PDE7B: variants seen among roughly 807,000 people sequenced by gnomAD.
PDE7B encodes phosphodiesterase 7B.
In PDE7B, 29 loss-of-function variants were observed where a neutral mutation model predicts 56.2. That is an observed-to-expected ratio of 0.52 (90% CI 0.38 to 0.70). PDE7B has a LOEUF of 0.70. Ranked by LOEUF, PDE7B falls within the 30% of genes least tolerant of loss-of-function variation. The probability of loss-of-function intolerance (pLI) is 0.00; values close to 1 mark genes in which losing one functional copy is unlikely to be tolerated. For synonymous variants in PDE7B, 197 were observed against 196.9 expected (o/e 1.00, Z 0.00); for missense variants, 490 against 565.0 (o/e 0.87, Z 1.35).
At chr6:136,077,450 G>C (rs563006999) in intron 2 of PDE7B, among the ~76,000 whole-genome samples, 33 of 152,096 alleles carry the variant, frequency 2.2e-4, no homozygotes, top group Non-Finnish European at 4.6e-4. Context: ...GGAAGTTGTG[G>C]GTGTAGGGAA....
chr6:135,866,051 G>A (rs951814219), intron 1 of PDE7B, among the ~76,000 whole-genome samples: 45 of 152,088 alleles, frequency 3.0e-4, no homozygotes, highest in African/African-American at 9.4e-4. Flanking sequence ...ATCTTATTTT[G>A]TTTTCAATTT....
intron 2 of PDE7B, among the ~76,000 whole-genome samples, chr6:136,055,248 T>C (rs1776710195): frequency 6.6e-6 from 1 of 152,252 alleles, no homozygotes; most frequent in East Asian, 1.9e-4. Flanking sequence ...TAGCAGAACA[T>C]GTTTTATGTG....
At chr6:136,061,681 T>C (rs1278781723) in intron 2 of PDE7B, among the ~76,000 whole-genome samples, 1 of 152,218 alleles carries the variant, frequency 6.6e-6, no homozygotes, top group Non-Finnish European at 1.5e-5. Flanking sequence ...AACCCATTCG[T>C]CAAGTACTAA....
intron 2 of PDE7B, among the ~76,000 whole-genome samples, chr6:135,977,069 A>C (rs1775198149): frequency 6.6e-6 from 1 of 152,012 alleles, no homozygotes; most frequent in African/African-American, 2.4e-5. Flanking sequence ...ACAGGGAGGG[A>C]GGAAGTGAGA....
intron 1 of PDE7B, among the ~76,000 whole-genome samples, chr6:135,906,812 T>TTTTTTTTTTTTTTTTTTTTG (rs1562434048): frequency 3.1e-5 from 4 of 127,826 alleles, no homozygotes; most frequent in African/African-American, 1.6e-4. Context: ...TGAGGTTTGT[T>TTTTTTTTTTTTTTTTTTTTG]TTTTTTTTTT....
intron 2 of PDE7B, among the ~76,000 whole-genome samples, chr6:136,097,229 C>G (rs1777483984): frequency 6.6e-6 from 1 of 152,152 alleles, no homozygotes; most frequent in Non-Finnish European, 1.5e-5. Context: ...AAGCCCCAGA[C>G]CCGTATGTCC....
In PDE7B at chr6:136,192,039, G is replaced by A. The variant is rs1562518880; in HGVS notation, c.*199G>A. On this transcript the variant is annotated 3_prime_UTR_variant, in exon 13 of 13. Coordinates refer to ENST00000308191, the MANE Select transcript of PDE7B (RefSeq NM_018945.4). ...GAAGCCATTTGTCACCTCAGCATTC[G>A]CTGCCGAAATGAGCAACTCCATTCA... The A allele has an allele frequency of 3.4e-6, 2 of 587,634 alleles. No individual in the cohort carries two copies. Among genetic ancestry groups the A allele is most frequent in the Non-Finnish European group, 6.1e-6 (2 of 328,542 alleles). The allele number at this position is 587,634 out of a possible 1,614,324, so 36.4% of individuals were successfully genotyped here. A position where few individuals can be genotyped will look rare whatever the true frequency, so the allele number is the denominator to read the frequency against.
At chr6:135,944,435 C>G (rs952247963) in intron 1 of PDE7B, among the ~76,000 whole-genome samples, 2 of 152,008 alleles carry the variant, frequency 1.3e-5, no homozygotes, top group African/African-American at 4.8e-5. Context: ...CAATCAGATT[C>G]CCTCAGGTAT....
At chr6:136,119,475 C>G (rs941710337) in intron 3 of PDE7B, among the ~76,000 whole-genome samples, 1 of 152,232 alleles carries the variant, frequency 6.6e-6, no homozygotes, top group South Asian at 2.1e-4. Context: ...AATGAAATTG[C>G]AGCCATAGGC....
chr6:136,121,140 C>T (rs1014274027), intron 3 of PDE7B, among the ~76,000 whole-genome samples: 9 of 152,198 alleles, frequency 5.9e-5, no homozygotes, highest in African/African-American at 2.2e-4. Flanking sequence ...TCATCCACTA[C>T]TGGTCACTCA....
chr6:136,109,089 C>T (rs1241558903), intron 3 of PDE7B, among the ~76,000 whole-genome samples: 1 of 152,182 alleles, frequency 6.6e-6, no homozygotes, highest in Non-Finnish European at 1.5e-5. Flanking sequence ...TGGCTCACGC[C>T]TGTAATCCCA....
intron 2 of PDE7B, among the ~76,000 whole-genome samples, chr6:136,087,884 C>T (rs1471359834): frequency 6.6e-6 from 1 of 152,054 alleles, no homozygotes; most frequent in Non-Finnish European, 1.5e-5. Context: ...CATTCTTGCT[C>T]TTAGAACTAT....
chr6:135,865,018 C>T (rs562619520), intron 1 of PDE7B, among the ~76,000 whole-genome samples: 1 of 147,956 alleles, frequency 6.8e-6, no homozygotes, highest in East Asian at 2.0e-4. Context: ...TCAATTCCCA[C>T]CTGTGAGTGA....
chr6:136,153,250 A>G (rs913148792), intron 6 of PDE7B, among the ~76,000 whole-genome samples: 1 of 152,234 alleles, frequency 6.6e-6, no homozygotes. Context: ...TAAAGAATAC[A>G]AAGACTTGAC....
intron 11 of PDE7B, among the ~76,000 whole-genome samples, chr6:136,185,576 G>A (rs1779131367): frequency 6.6e-6 from 1 of 151,862 alleles, no homozygotes; most frequent in East Asian, 1.9e-4. Flanking sequence ...GCAACGTAGA[G>A]ATCCTATCTC....
intron 2 of PDE7B, among the ~76,000 whole-genome samples, chr6:136,025,441 TTCAAA>T (rs1228682889): frequency 4.6e-5 from 7 of 152,196 alleles, no homozygotes; most frequent in Admixed American, 6.5e-5. Flanking sequence ...TAGATACTTA[TTCAAA>T]TAAGTACATG....
chr6:135,881,045 C>T (rs1775599589), intron 1 of PDE7B, among the ~76,000 whole-genome samples: 1 of 152,038 alleles, frequency 6.6e-6, no homozygotes, highest in Non-Finnish European at 1.5e-5. Flanking sequence ...TATTTCAGAG[C>T]CTGGGAAATA....
At chr6:136,109,723 T>A (rs990349905) in intron 3 of PDE7B, among the ~76,000 whole-genome samples, 1 of 152,188 alleles carries the variant, frequency 6.6e-6, no homozygotes, top group Non-Finnish European at 1.5e-5. Flanking sequence ...AATCTTAGGT[T>A]TCTTTGCAAA....
chr6:136,007,068 A>G (rs1254808003), intron 2 of PDE7B, among the ~76,000 whole-genome samples: 2 of 152,114 alleles, frequency 1.3e-5, no homozygotes, highest in Non-Finnish European at 2.9e-5. Context: ...TTCTAATTAT[A>G]TTAAGGCATG....
Sources: allele counts gnomAD v4.1 joint callset (sites outside exome capture counted in the v4.1 genomes callset), GRCh38; gene constraint gnomAD v4.1.1; transcripts MANE v1.5; gene names NCBI Gene and HGNC (gene_info 2026-07-23, HGNC 2026-07-21).